PITPNC1: variants seen among roughly 807,000 people sequenced by gnomAD.
The protein encoded by PITPNC1 is cytoplasmic phosphatidylinositol transfer protein 1.
PITPNC1 carries 18 observed loss-of-function variants against 44.7 expected under a neutral mutation model. The ratio of observed to expected loss-of-function variants is 0.40; its 90% CI spans 0.28 to 0.60. The LOEUF (loss-of-function observed/expected upper bound fraction) is 0.60, where lower values mean the gene tolerates loss of function less well. PITPNC1 is among the 20% of genes least tolerant of loss of function. The pLI is 0.39. For missense variants in PITPNC1, 290 were observed against 418.4 expected (o/e 0.69, Z 2.68); for synonymous variants, 141 against 149.6 (o/e 0.94, Z 0.42).
At chr17:67,641,008 T>C (rs1486312806) in intron 6 of PITPNC1, among the ~76,000 whole-genome samples, 2 of 151,698 alleles carry the variant, frequency 1.3e-5, no homozygotes, top group African/African-American at 4.8e-5. Flanking sequence ...AAGAAACCCA[T>C]GATCTGGTTG....
chr17:67,635,207 T>C (rs1182547434), intron 6 of PITPNC1, among the ~76,000 whole-genome samples: 1 of 152,188 alleles, frequency 6.6e-6, no homozygotes, highest in Non-Finnish European at 1.5e-5. Context: ...AAGGTCACTA[T>C]TGTGATTTAT....
At chr17:67,416,888 C>T (rs1431014887) in intron 1 of PITPNC1, among the ~76,000 whole-genome samples, 2 of 152,064 alleles carry the variant, frequency 1.3e-5, no homozygotes, top group African/African-American at 2.4e-5. Context: ...TCTCGGCTCA[C>T]CGCAACCTCT....
intron 1 of PITPNC1, among the ~76,000 whole-genome samples, chr17:67,475,621 C>T (rs758738690): frequency 6.6e-6 from 1 of 152,110 alleles, no homozygotes; most frequent in African/African-American, 2.4e-5. Context: ...CCCTTTGCTG[C>T]GAGGGAGCTT....
intron 7 of PITPNC1, among the ~76,000 whole-genome samples, chr17:67,674,499 CT>C (rs748824840): frequency 1.1e-5 from 1 of 88,228 alleles, no homozygotes; most frequent in African/African-American, 3.5e-5. Flanking sequence ...GCAAGACTGT[CT>C]CAAAAAAAAA....
rs2038896900 is a variant in PITPNC1 at position 67,434,007 on chromosome 17, A to G, written c.48+55805A>G. Among the ~76,000 whole-genome samples, 4 of 152,162 alleles carry G rather than the reference A, an allele frequency of 2.6e-5. No homozygotes were observed. The South Asian group carries it at 8.3e-4, about 32-fold the overall frequency. On this transcript the variant is annotated intron_variant, in intron 1 of 8. Transcript: ENST00000581322. Reference sequence around the variant, plus strand: ...CAGGATGGGGCAAGGGGCCGAGACCACAAATGGTCCTGCTCCTGGGGCTTA... The same window carrying G: ...CAGGATGGGGCAAGGGGCCGAGACCGCAAATGGTCCTGCTCCTGGGGCTTA...
At chr17:67,654,642 AT>A (rs1007283104) in intron 6 of PITPNC1, among the ~76,000 whole-genome samples, 3 of 151,632 alleles carry the variant, frequency 2.0e-5, no homozygotes, top group Admixed American at 2.0e-4. Flanking sequence ...AAGTTTTTTG[AT>A]TTTTTTTGAG....
intron 1 of PITPNC1, among the ~76,000 whole-genome samples, chr17:67,446,882 G>T (rs2039103797): frequency 6.6e-6 from 1 of 151,702 alleles, no homozygotes; most frequent in Non-Finnish European, 1.5e-5. Context: ...TTGAGGTCAG[G>T]ACTTTGAGAC....
At chr17:67,466,013 A>G (rs1236998902) in intron 1 of PITPNC1, among the ~76,000 whole-genome samples, 1 of 134,206 alleles carries the variant, frequency 7.5e-6, no homozygotes, top group Non-Finnish European at 1.6e-5. Context: ...TTATTTATTT[A>G]TTTTAGAGAC....
At chr17:67,524,574 T>A (rs1289313574) in intron 1 of PITPNC1, 1 of 151,982 alleles carries the variant, frequency 6.6e-6, no homozygotes, top group African/African-American at 2.4e-5. Context: ...TATTTTGCTT[T>A]TTTTTGTAGT....
At chr17:67,584,005 C>T (rs1170681255) in intron 5 of PITPNC1, among the ~76,000 whole-genome samples, 1 of 151,760 alleles carries the variant, frequency 6.6e-6, no homozygotes, top group Non-Finnish European at 1.5e-5. Context: ...TCCCAAATTG[C>T]TGGGATTACA....
At chr17:67,439,290 G>T (rs1218013962) in intron 1 of PITPNC1, among the ~76,000 whole-genome samples, 1 of 152,076 alleles carries the variant, frequency 6.6e-6, no homozygotes, top group Non-Finnish European at 1.5e-5. Flanking sequence ...TACAGAATAG[G>T]ATTCAAAACA....
intron 8 of PITPNC1, among the ~76,000 whole-genome samples, chr17:67,682,245 T>C (rs2042722823): frequency 6.6e-6 from 1 of 152,132 alleles, no homozygotes; most frequent in Admixed American, 6.6e-5. Flanking sequence ...CATGAATACA[T>C]GTACAACAAG....
Position 67,545,092 on chromosome 17 carries a change from C to T in PITPNC1, c.198-7165C>T, listed in dbSNP as rs555178511. On this transcript the variant is annotated intron_variant, in intron 2 of 8. Coordinates refer to ENST00000581322, the MANE Select transcript of PITPNC1 (RefSeq NM_012417.4). ...TTTGGGAGGCTGAGGCAGGAGGATC[C>T]CTTGAGGCCAGGAGTTCGAGACAAG... is the stretch of plus-strand genomic sequence containing the variant. Among the ~76,000 whole-genome samples the T allele has an allele frequency of 3.1e-3, 468 of 151,572 alleles. 1 individual carries two copies. Among genetic ancestry groups the T allele is most frequent in the African/African-American group, 0.01 (430 of 41,306 alleles).
At chr17:67,596,668 G>T (rs1056630866) in intron 5 of PITPNC1, among the ~76,000 whole-genome samples, 1 of 151,986 alleles carries the variant, frequency 6.6e-6, no homozygotes, top group Non-Finnish European at 1.5e-5. Flanking sequence ...GAGCCACCAC[G>T]CCTGGCTTGA....
intron 5 of PITPNC1, chr17:67,611,872 G>C (rs1598885210): frequency 6.6e-6 from 1 of 152,162 alleles, no homozygotes; most frequent in Non-Finnish European, 1.5e-5. Context: ...GAAGGATAAT[G>C]GTTCAACCTT....
chr17:67,606,013 G>T (rs185183002), intron 5 of PITPNC1, among the ~76,000 whole-genome samples: 37 of 152,274 alleles, frequency 2.4e-4, no homozygotes, highest in South Asian at 1.0e-3. Flanking sequence ...TCTTTTGATT[G>T]TGTGTCTTTC....
chr17:67,572,478 G>A lies in PITPNC1; in HGVS notation c.295-5708G>A, dbSNP rs113501975. On this transcript the variant is annotated intron_variant, in intron 4 of 8. Coordinates refer to ENST00000581322, the MANE Select transcript of PITPNC1 (RefSeq NM_012417.4). ...AGAAGCTGGGTAAAGCGGGGGGGGG[G>A]GGTAAAGAAGAAGGGGGGTGACTTT... Among the ~76,000 whole-genome samples, 243 of 115,946 alleles carry A rather than the reference G, an allele frequency of 2.1e-3. 7 individuals are homozygous for A. The highest frequency in any genetic ancestry group is 3.6e-3 in the Non-Finnish European group (204 of 56,832). 76.1% of individuals were successfully genotyped at this position (115,946 alleles called of 152,430 possible). A position where few individuals can be genotyped will look rare whatever the true frequency, so the allele number is the denominator to read the frequency against.
intron 1 of PITPNC1, among the ~76,000 whole-genome samples, chr17:67,384,933 T>G (rs2038019334): frequency 6.6e-6 from 1 of 152,354 alleles, no homozygotes; most frequent in South Asian, 2.1e-4. Flanking sequence ...GGTATAAAAA[T>G]TTTATTCTGA....
At chr17:67,442,211 A>ATATATATATG (rs2039022758) in intron 1 of PITPNC1, among the ~76,000 whole-genome samples, 1 of 64,312 alleles carries the variant, frequency 1.6e-5, no homozygotes, top group Non-Finnish European at 3.0e-5. Context: ...AAGCATATAT[A>ATATATATATG]TATATATATA....
Sources: gnomAD v4.1 joint callset for allele counts (sites outside exome capture counted in the v4.1 genomes callset) on GRCh38, gnomAD v4.1.1 for gene constraint, MANE v1.5 for transcripts, NCBI Gene and HGNC (gene_info 2026-07-23, HGNC 2026-07-21) for gene names.